The following SCUBE2 variants were observed in gnomAD, a reference collection of about 807,000 sequenced individuals.
SCUBE2 encodes the protein signal peptide, CUB and EGF-like domain-containing protein 2.
A neutral mutation model predicts 125.9 loss-of-function variants in SCUBE2; 114 were observed. The observed-to-expected ratio is 0.91, with a 90% CI of 0.78 to 1.06. The LOEUF (loss-of-function observed/expected upper bound fraction) is 1.06. Ranked by LOEUF, SCUBE2 falls within the 50% of genes least tolerant of loss-of-function variation. The pLI is 0.00. For synonymous variants in SCUBE2, 459 were observed against 492.9 expected (o/e 0.93, Z 0.91); for missense variants, 1,255 against 1,301.8 (o/e 0.96, Z 0.55).
chr11:9,046,529 G>T (rs925268243), intron 16 of SCUBE2, among the ~76,000 whole-genome samples: 7 of 152,126 alleles, frequency 4.6e-5, no homozygotes, highest in African/African-American at 1.7e-4. Flanking sequence ...CAACAGGATA[G>T]CAGACGGGGG....
intron 3 of SCUBE2, 121 bp from the exon 4 acceptor site, chr11:9,074,736 A>C: frequency 8.7e-7 from 1 of 1,154,582 alleles, no homozygotes; most frequent in Non-Finnish European, 1.3e-6. Flanking sequence ...TGCACCACAG[A>C]AGCTTTCAGA....
chr11:9,027,702 C>T (rs1855914231), intron 19 of SCUBE2, 141 bp from the exon 20 acceptor site: 9 of 719,368 alleles, frequency 1.3e-5, no homozygotes, highest in Admixed American at 5.5e-5. Context: ...ATGAGTCTGT[C>T]CTTCCCAGAG....
At chr11:9,087,713 T>A (rs1040629894) in intron 2 of SCUBE2, among the ~76,000 whole-genome samples, 14 of 152,254 alleles carry the variant, frequency 9.2e-5, no homozygotes, top group Non-Finnish European at 1.9e-4. Context: ...TTGCCCGTCA[T>A]AATCCCATCT....
chr11:9,021,888 C>CTGAT lies in SCUBE2; in HGVS notation c.2918_2921dup (p.Glu975SerfsTer5), dbSNP rs1566152643. On this transcript the variant is annotated frameshift_variant, in exon 22 of 23. Transcript: ENST00000649792. LOFTEE classifies it high-confidence loss of function. ...GCCAGGCACTCACCTTAAGTATTTC[C>CTGAT]TGATGGTTCTCAGATGCATAGAGCC... The CTGAT allele has an allele frequency of 1.2e-6, 2 of 1,613,420 alleles. No individual in the cohort carries two copies. Among genetic ancestry groups the CTGAT allele is most frequent in the Non-Finnish European group, 1.7e-6 (2 of 1,179,432 alleles).
chr11:9,054,727 T>TATATATA (rs1858892511), intron 10 of SCUBE2, among the ~76,000 whole-genome samples: 4 of 36,006 alleles, frequency 1.1e-4, no homozygotes, highest in Non-Finnish European at 2.2e-4. Flanking sequence ...ATATATATAT[T>TATATATA]TTTTTTTTTT....
chr11:9,040,568 G>A (rs1419598105), intron 16 of SCUBE2, among the ~76,000 whole-genome samples: 1 of 141,166 alleles, frequency 7.1e-6, no homozygotes, highest in Admixed American at 7.0e-5. Flanking sequence ...TGGGTACGTA[G>A]GAGAAAGGGA....
At chr11:9,026,978 A>G in intron 20 of SCUBE2, 1 of 219,490 alleles carries the variant, frequency 4.6e-6, no homozygotes, top group Non-Finnish European at 9.1e-6. Flanking sequence ...ACCATGAATC[A>G]GGATAGGAGG....
chr11:9,054,828 C>T (rs1440384574), intron 10 of SCUBE2, among the ~76,000 whole-genome samples: 3 of 146,732 alleles, frequency 2.0e-5, no homozygotes, highest in African/African-American at 7.6e-5. Flanking sequence ...CTCCACCTCC[C>T]GGGTTCAAGC....
At chr11:9,023,587 A>C (rs571546863) in intron 21 of SCUBE2, among the ~76,000 whole-genome samples, 343 of 152,348 alleles carry the variant, frequency 2.3e-3, no homozygotes, top group Middle Eastern at 6.8e-3. Context: ...TCTGCTTTTA[A>C]GAACTACTGT....
At chr11:9,025,613 T>C in intron 21 of SCUBE2, 89 bp downstream of exon 21, 1 of 1,491,276 alleles carries the variant, frequency 6.7e-7, no homozygotes, top group Non-Finnish European at 9.1e-7. Context: ...TCTGAGCATG[T>C]GTGCTTGTCA....
At chr11:9,078,298 A>G (rs939715167) in intron 3 of SCUBE2, among the ~76,000 whole-genome samples, 1 of 152,222 alleles carries the variant, frequency 6.6e-6, no homozygotes, top group African/African-American at 2.4e-5. Flanking sequence ...TTGGAAAGCC[A>G]CGTGATGTGT....
intron 3 of SCUBE2, 106 bp from the exon 4 acceptor site, chr11:9,074,721 G>T: frequency 1.6e-6 from 2 of 1,274,394 alleles, no homozygotes; most frequent in South Asian, 1.3e-5. Flanking sequence ...TCCTCTTCAC[G>T]TCCCTGCACC....
In SCUBE2 at chr11:9,021,205, GA is replaced by G. The variant is rs769533134; in HGVS notation, c.2935-9del. 6.5e-7 allele frequency: 1 copy of G among 1,544,152 alleles called. No individual in the cohort carries two copies. Among genetic ancestry groups the G allele is most frequent in the South Asian group, 1.3e-5 (1 of 77,252 alleles). On this transcript the variant is annotated splice_polypyrimidine_tract_variant and intron_variant, in intron 22 of 22. Coordinates refer to ENST00000649792, the MANE Select transcript of SCUBE2 (RefSeq NM_001367977.2). ...CTTGATAAGTTTCTTATCCTAAAAA[GA>G]ACAGAATTTTTGTTACTGGGCCAAA...
At position 9,050,661 on chromosome 11, in the gene SCUBE2, C is replaced by T. The variant is rs1189256493; in HGVS notation, c.1584G>A (p.Lys528=). 3.1e-6 allele frequency: 5 copies of T among 1,614,236 alleles called. No homozygotes were observed. The highest frequency in any genetic ancestry group is 4.2e-6 in the Non-Finnish European group (5 of 1,180,030). ...TSVTFKLNEG[K]CSLKNAELFP... The stretch of plus-strand genomic sequence containing the variant: ...ACAGCTCAGCATTTTTCAAACTACA[C>T]TTGCCTTCATTTAGCTTAAAGGTTA... Residue 528 remains lysine (K), a synonymous_variant, in exon 14 of 23, where the codon AAG becomes AAA. Transcript: ENST00000649792.
chr11:9,028,254 G>A (rs562802337), intron 19 of SCUBE2, among the ~76,000 whole-genome samples: 1 of 152,022 alleles, frequency 6.6e-6, no homozygotes, highest in Non-Finnish European at 1.5e-5. Context: ...GCCCAGGCTG[G>A]TCTGGAACTC....
chr11:9,088,404 C>T (rs1862304454), intron 2 of SCUBE2, among the ~76,000 whole-genome samples: 1 of 152,224 alleles, frequency 6.6e-6, no homozygotes, highest in African/African-American at 2.4e-5. Flanking sequence ...AGGAGAATTG[C>T]TTGGTCTCAC....
Position 9,025,811 on chromosome 11 carries a change from G to A in SCUBE2, c.2745C>T (p.Tyr915=), listed in dbSNP as rs149275001. The A allele has an allele frequency of 2.2e-5, 36 of 1,614,038 alleles. No homozygotes were observed. Among genetic ancestry groups the A allele is most frequent in the African/African-American group, 1.7e-4 (13 of 74,922 alleles). Residue 915 remains tyrosine (Y), a synonymous_variant, in exon 21 of 23, where the codon TAC becomes TAT. Coordinates refer to ENST00000649792, the MANE Select transcript of SCUBE2 (RefSeq NM_001367977.2). ...SVTTYETCQT[Y]ERPIAFTSRS... ...TGGAGGTGAAGGCGATGGGGCGTTC[G>A]TAGGTCTGGCAGGTTTCATATGTTG...
chr11:9,080,904 A>C (rs1341125258), intron 2 of SCUBE2, among the ~76,000 whole-genome samples: 1 of 152,234 alleles, frequency 6.6e-6, no homozygotes, highest in African/African-American at 2.4e-5. Context: ...TAAGAAGATA[A>C]ACAGCCTAAT....
intron 10 of SCUBE2, among the ~76,000 whole-genome samples, 179 bp downstream of exon 10, chr11:9,055,614 G>A (rs1859002001): frequency 6.6e-6 from 1 of 152,252 alleles, no homozygotes; most frequent in African/African-American, 2.4e-5. Context: ...AGGGATACAT[G>A]TGGGGAGATT....
Sources: allele counts gnomAD v4.1 joint callset (sites outside exome capture counted in the v4.1 genomes callset), GRCh38; gene constraint gnomAD v4.1.1; transcripts MANE v1.5; gene names NCBI Gene and HGNC (gene_info 2026-07-23, HGNC 2026-07-21).